GNB4: variants seen among roughly 807,000 people sequenced by gnomAD.
GNB4 encodes guanine nucleotide-binding protein subunit beta-4.
In GNB4, 28 loss-of-function variants were observed where a neutral mutation model predicts 45.2. The ratio of observed to expected loss-of-function variants is 0.62; its 90% CI spans 0.46 to 0.85. The LOEUF is 0.85. Ranked by LOEUF, GNB4 falls within the 40% of genes least tolerant of loss-of-function variation. The pLI is 0.00. For synonymous variants in GNB4, 132 were observed against 143.7 expected (o/e 0.92, Z 0.58); for missense variants, 321 against 425.4 (o/e 0.75, Z 2.16).
chr3:179,432,141 G>A (rs1355385948), intron 1 of GNB4, among the ~76,000 whole-genome samples: 2 of 152,060 alleles, frequency 1.3e-5, no homozygotes, highest in African/African-American at 4.8e-5. Context: ...GCTATGTTTG[G>A]GCAGGCATGA....
At chr3:179,446,020 G>T (rs1274241801) in intron 1 of GNB4, among the ~76,000 whole-genome samples, 1 of 152,194 alleles carries the variant, frequency 6.6e-6, no homozygotes, top group African/African-American at 2.4e-5. Context: ...AACATTTCAT[G>T]TGATTTCTAT....
At chr3:179,495,438 T>C in the GNB4 span, among the ~76,000 whole-genome samples, 1 of 150,880 alleles carries the variant, frequency 6.6e-6, no homozygotes, top group African/African-American at 2.4e-5. Context: ...GTCATGCCAC[T>C]GTACTGCAAC....
intron 8 of GNB4, among the ~76,000 whole-genome samples, chr3:179,407,897 G>GT (rs890103711): frequency 6.6e-6 from 1 of 152,120 alleles, no homozygotes; most frequent in African/African-American, 2.4e-5. Flanking sequence ...GAAAAACCTC[G>GT]TAATTTCTTG....
the GNB4 span, among the ~76,000 whole-genome samples, chr3:179,475,685 G>A: frequency 6.1e-4 from 93 of 151,558 alleles, 1 homozygote; most frequent in African/African-American, 2.0e-3. Context: ...TGTTGGCCAG[G>A]ATGGTCTCAA....
chr3:179,451,127 C>G (rs929062752), intron 1 of GNB4: 12 of 152,144 alleles, frequency 7.9e-5, no homozygotes, highest in African/African-American at 2.4e-4. Flanking sequence ...GTCGTGGGGC[C>G]AGTTCCCGCG....
chr3:179,430,401 TTATAA>T (rs1478441214), intron 1 of GNB4, among the ~76,000 whole-genome samples: 5 of 152,196 alleles, frequency 3.3e-5, no homozygotes, highest in Admixed American at 1.3e-4. Flanking sequence ...TTCCTTTCTC[TTATAA>T]TAGAATAGCT....
chr3:179,523,702 A>T, the GNB4 span, among the ~76,000 whole-genome samples: 1 of 152,066 alleles, frequency 6.6e-6, no homozygotes, highest in Non-Finnish European at 1.5e-5. Flanking sequence ...AAGGGTGATT[A>T]GGTTTTAATG....
At chr3:179,498,566 C>T in the GNB4 span, among the ~76,000 whole-genome samples, 1 of 152,092 alleles carries the variant, frequency 6.6e-6, no homozygotes, top group African/African-American at 2.4e-5. Context: ...CTCTGAGTAG[C>T]TAGGATTACA....
rs895204644 is a variant in GNB4, at chr3:179,414,870, T to A, written c.430+15A>T. On this transcript the variant is annotated intron_variant, in intron 6 of 9. Transcript: ENST00000232564. Reference sequence around the variant, plus strand: ...AGGAATCGTGTGGTGGGAAAGAATATTTAGGGAAGCTCACCTGTGTGACCT... The same window carrying A: ...AGGAATCGTGTGGTGGGAAAGAATAATTAGGGAAGCTCACCTGTGTGACCT... 2 of 1,556,600 alleles carry A rather than the reference T, an allele frequency of 1.3e-6. No homozygotes were observed. Among genetic ancestry groups the A allele is most frequent in the Non-Finnish European group, 1.8e-6 (2 of 1,139,944 alleles).
chr3:179,503,593 C>T, the GNB4 span, among the ~76,000 whole-genome samples: 35 of 152,172 alleles, frequency 2.3e-4, no homozygotes, highest in African/African-American at 5.1e-4. Context: ...TGTTCTCTAG[C>T]GGTGAATTAA....
At chr3:179,405,475 A>C in intron 8 of GNB4, 69 bp from the exon 9 acceptor site, 1 of 1,060,802 alleles carries the variant, frequency 9.4e-7, no homozygotes, top group Non-Finnish European at 1.4e-6. Flanking sequence ...ATGTAATAAT[A>C]GACAAATCTA....
upstream of GNB4, among the ~76,000 whole-genome samples, chr3:179,452,025 C>T (rs1267442239): frequency 4.6e-5 from 7 of 152,182 alleles, no homozygotes; most frequent in Admixed American, 4.6e-4. Flanking sequence ...AATAAAGATA[C>T]TGATACCTGC....
At chr3:179,498,058 A>G in the GNB4 span, among the ~76,000 whole-genome samples, 1 of 152,220 alleles carries the variant, frequency 6.6e-6, no homozygotes, top group Non-Finnish European at 1.5e-5. Context: ...TCCACAGAAA[A>G]TAAAATCAGT....
the GNB4 span, among the ~76,000 whole-genome samples, chr3:179,469,689 C>T: frequency 6.6e-6 from 1 of 152,292 alleles, no homozygotes; most frequent in Non-Finnish European, 1.5e-5. Flanking sequence ...ATGGTCCTTT[C>T]CATGAGGAGT....
chr3:179,420,210 T>C (rs1714936416), intron 3 of GNB4, among the ~76,000 whole-genome samples: 1 of 149,872 alleles, frequency 6.7e-6, no homozygotes, highest in Non-Finnish European at 1.5e-5. Context: ...CTCATTGCAA[T>C]ATCTGCCTCC....
At chr3:179,405,632 AAC>A (rs1714447282) in intron 8 of GNB4, 1 of 447,422 alleles carries the variant, frequency 2.2e-6, no homozygotes, top group African/African-American at 1.9e-5. Context: ...CATTGTTCAG[AAC>A]ACAGCAAGTA....
intron 1 of GNB4, among the ~76,000 whole-genome samples, chr3:179,431,777 C>G (rs907299663): frequency 3.9e-5 from 6 of 152,130 alleles, no homozygotes; most frequent in Non-Finnish European, 7.4e-5. Context: ...TCAGGATGAA[C>G]TTAATGTTTC....
the GNB4 span, among the ~76,000 whole-genome samples, chr3:179,501,913 T>C: frequency 6.6e-6 from 1 of 152,314 alleles, no homozygotes; most frequent in East Asian, 1.9e-4. Flanking sequence ...GCTGTGATTA[T>C]TGCACATGTG....
intron 2 of GNB4, among the ~76,000 whole-genome samples, chr3:179,424,430 T>C (rs1715085571): frequency 6.6e-6 from 1 of 152,238 alleles, no homozygotes; most frequent in Admixed American, 6.5e-5. Flanking sequence ...TTTGTTGAGA[T>C]ACCTAAGATT....
Sources: gnomAD v4.1 joint callset for allele counts (sites outside exome capture counted in the v4.1 genomes callset) on GRCh38, gnomAD v4.1.1 for gene constraint, MANE v1.5 for transcripts, NCBI Gene and HGNC (gene_info 2026-07-23, HGNC 2026-07-21) for gene names.